The following TRIM33 variants were observed in gnomAD, a reference collection of about 807,000 sequenced individuals.
TRIM33 encodes the protein tripartite motif containing 33, also known as E3 ubiquitin-protein ligase TRIM33.
Under a neutral mutation model 125.4 loss-of-function variants are expected in TRIM33, and 20 were observed. That is an observed-to-expected ratio of 0.16 (90% confidence interval 0.11 to 0.23). The LOEUF (loss-of-function observed/expected upper bound fraction) is 0.23, where lower values mean the gene tolerates loss of function less well. Ranked by LOEUF, TRIM33 falls within the 10% of genes least tolerant of loss-of-function variation. The pLI is 1.00. For synonymous variants in TRIM33, 564 were observed against 513.9 expected, an observed-to-expected ratio of 1.10 and a Z score of -1.32; for missense variants, 920 against 1,411.4, an observed-to-expected ratio of 0.65 and a Z score of 5.58.
At position 114,397,587 on chromosome 1, in the gene TRIM33, G is replaced by GTGTTTTTTTTTTTTTTTTTTT; in HGVS notation, c.*60_*61insAAAAAAAAAAAAAAAAAAACA. 1.1e-6 allele frequency: 1 copy of GTGTTTTTTTTTTTTTTTTTTT among 951,936 alleles called. No homozygotes were observed. The highest frequency in any genetic ancestry group is 1.4e-6 in the Non-Finnish European group (1 of 697,842). 59.0% of individuals were successfully genotyped at this position (951,936 alleles called of 1,614,324 possible). On this transcript the variant is annotated 3_prime_UTR_variant, in exon 20 of 20. Transcript: ENST00000358465. ...CACTTAAAAGTTTTCTGGGTTTTTT[G>GTGTTTTTTTTTTTTTTTTTTT]TGTTTTTTTTTTTTTTTTCGTTTTT... is the stretch of plus-strand genomic sequence containing the variant.
chr1:114,423,341 C>G (rs575602882), intron 10 of TRIM33, among the ~76,000 whole-genome samples: 69 of 152,086 alleles, frequency 4.5e-4, no homozygotes, highest in Non-Finnish European at 9.3e-4. Context: ...AGATAAAACT[C>G]TGTTGAAGAA....
rs146986808 is a variant in TRIM33 at position 114,455,153 on chromosome 1, C to G, written c.923+7951G>C. ...AAGGCTATACATGATCCAGACACAC[C>G]AGCAGGTTATTCCCAAGGGGACAGC... On this transcript the variant is annotated intron_variant, in intron 4 of 19. Coordinates refer to ENST00000358465, the MANE Select transcript of TRIM33 (RefSeq NM_015906.4). 1.3e-4 allele frequency among the ~76,000 whole-genome samples: 20 copies of G among 152,200 alleles called. No homozygotes were observed. The East Asian group carries it at 3.5e-3, about 26-fold the overall frequency.
intron 4 of TRIM33, among the ~76,000 whole-genome samples, chr1:114,434,252 T>C (rs996041761): frequency 2.0e-5 from 3 of 152,218 alleles, no homozygotes; most frequent in African/African-American, 7.2e-5. Context: ...GCAATCCTCC[T>C]GCCTTGGCCT....
intron 4 of TRIM33, among the ~76,000 whole-genome samples, chr1:114,438,612 T>TA (rs752823480): frequency 2.0e-5 from 3 of 152,236 alleles, no homozygotes; most frequent in Non-Finnish European, 4.4e-5. Flanking sequence ...TAGAAAAACT[T>TA]AATGACTTAG....
chr1:114,408,795 C>T, intron 12 of TRIM33, 55 bp from the exon 13 acceptor site: 4 of 1,199,344 alleles, frequency 3.3e-6, no homozygotes, highest in Non-Finnish European at 4.8e-6. Context: ...ATTTGGAATT[C>T]TACCTACCGG....
Position 114,511,098 on chromosome 1 carries a change from G to C in TRIM33, c.-22C>G, listed in dbSNP as rs1570701140. The C allele has an allele frequency of 1.7e-6, 2 of 1,173,560 alleles. No individual in the cohort carries two copies. The highest frequency in any genetic ancestry group is 1.0e-6 in the Non-Finnish European group (1 of 953,936). The allele number at this position is 1,173,560 out of a possible 1,614,324, so 72.7% of individuals were successfully genotyped here. A position where few individuals can be genotyped will look rare whatever the true frequency, so the allele number is the denominator to read the frequency against. On this transcript the variant is annotated 5_prime_UTR_variant, in exon 1 of 20. Coordinates refer to ENST00000358465, the MANE Select transcript of TRIM33 (RefSeq NM_015906.4). The stretch of plus-strand genomic sequence containing the variant: ...CCATGTTTTCCTCTTTGAACCCGCC[G>C]GACCGCCCCGCGCCGCCCGCCGCCC...
At chr1:114,401,564 A>C in intron 16 of TRIM33, 101 bp from the exon 17 acceptor site, 1 of 879,764 alleles carries the variant, frequency 1.1e-6, no homozygotes, top group Non-Finnish European at 1.7e-6. Flanking sequence ...ATTACAACAA[A>C]CTGAACACAA....
chr1:114,419,560 A>T (rs565954439), intron 11 of TRIM33, among the ~76,000 whole-genome samples: 5 of 152,328 alleles, frequency 3.3e-5, no homozygotes, highest in African/African-American at 7.2e-5. Context: ...ATTTATATTT[A>T]AAAAGTTTCC....
At chr1:114,486,959 C>T (rs762468097) in intron 1 of TRIM33, among the ~76,000 whole-genome samples, 3 of 151,644 alleles carry the variant, frequency 2.0e-5, no homozygotes, top group Admixed American at 6.6e-5. Context: ...TGGTGGCGTA[C>T]GCTTGTAGTA....
chr1:114,510,864 G>A lies in TRIM33; in HGVS notation c.213C>T (p.Ser71=). ...ATGAAGCAGCCTGGGCCGAGCCCGA[G>A]GAGGCCGCGGCCACCCCCCCGTCGT... ...GPDDGGVAAA[S]SGSAQAASSP... The change falls in exon 1 of 20, where the codon TCC becomes TCT. Residue 71 remains serine, a synonymous_variant. Coordinates refer to ENST00000358465, the MANE Select transcript of TRIM33 (RefSeq NM_015906.4). 6.8e-7 allele frequency: 1 copy of A among 1,469,092 alleles called. No individual in the cohort carries two copies. Among genetic ancestry groups the A allele is most frequent in the South Asian group, 1.3e-5 (1 of 76,728 alleles). The allele number at this position is 1,469,092 out of a possible 1,614,324, so 91.0% of individuals were successfully genotyped here. A position where few individuals can be genotyped will look rare whatever the true frequency, so the allele number is the denominator to read the frequency against.
intron 12 of TRIM33, among the ~76,000 whole-genome samples, chr1:114,409,043 C>T (rs1652419533): frequency 6.6e-6 from 1 of 152,108 alleles, no homozygotes; most frequent in Non-Finnish European, 1.5e-5. Context: ...TACTTAGGTT[C>T]CCATTAATTA....
intron 4 of TRIM33, among the ~76,000 whole-genome samples, chr1:114,442,734 A>G (rs1033875204): frequency 3.3e-4 from 50 of 151,636 alleles, no homozygotes; most frequent in African/African-American, 1.2e-3. Flanking sequence ...AACTCTTAGA[A>G]GAATTTACGG....
chr1:114,491,017 G>T (rs575882327), intron 1 of TRIM33, among the ~76,000 whole-genome samples: 1 of 152,172 alleles, frequency 6.6e-6, no homozygotes, highest in African/African-American at 2.4e-5. Context: ...TGGTTTGGGG[G>T]TAAGTGAGTA....
At chr1:114,410,778 C>CA (rs11364870) in intron 11 of TRIM33, among the ~76,000 whole-genome samples, 49 of 148,728 alleles carry the variant, frequency 3.3e-4, no homozygotes, top group Admixed American at 1.1e-3. Flanking sequence ...CCCCTTACTA[C>CA]AAAAAAAAAA....
chr1:114,460,646 G>GGGTAACCTGA (rs1649921587), intron 4 of TRIM33, among the ~76,000 whole-genome samples: 1 of 143,712 alleles, frequency 7.0e-6, no homozygotes, highest in Admixed American at 7.3e-5. Flanking sequence ...TTACAACAAA[G>GGGTAACCTGA]GGTAACCTGA....
intron 1 of TRIM33, among the ~76,000 whole-genome samples, chr1:114,495,847 AC>A (rs1173113628): frequency 2.0e-5 from 3 of 152,216 alleles, no homozygotes; most frequent in Non-Finnish European, 4.4e-5. Context: ...ATTCTTTTGA[AC>A]CATATTTCAA....
rs1651388651 is a variant in TRIM33, at chr1:114,393,502, T to A, written c.*4146A>T. ...TTTCTAGAAAAGGGCTAAACTTAAC[T>A]TTGTACACTTTGTAGTTTGATATGA... On this transcript the variant is annotated 3_prime_UTR_variant, in exon 20 of 20. Coordinates refer to ENST00000358465, the MANE Select transcript of TRIM33 (RefSeq NM_015906.4). The A allele has an allele frequency of 1.0e-5, 2 of 200,094 alleles. No homozygotes were observed. The highest frequency in any genetic ancestry group is 1.9e-4 in the South Asian group (1 of 5,254). The allele number at this position is 200,094 out of a possible 1,614,324, so 12.4% of individuals were successfully genotyped here.
chr1:114,427,182 T>C lies in TRIM33; in HGVS notation c.1415A>G (p.Asn472Ser). ...DPTFWAKNVVNLGNLVIESKP... is the reference protein window; with the variant it reads ...DPTFWAKNVVSLGNLVIESKP... Reference sequence around the variant, plus strand: ...TAAAACTCATTATTTCTCACCTAAATTGACTACATTCTTTGCCCAGAAGGT... The same window carrying C: ...TAAAACTCATTATTTCTCACCTAAACTGACTACATTCTTTGCCCAGAAGGT... Residue 472 changes from asparagine to serine, a missense_variant, in exon 8 of 20, where the codon AAT becomes AGT. By Grantham distance (46) the Asn-to-Ser change is conservative. This residue lies in a region of TRIM33 where 407 missense variants were observed against 589.7 expected (regional missense o/e 0.69). Coordinates refer to ENST00000358465, the MANE Select transcript of TRIM33 (RefSeq NM_015906.4). 1 of 1,520,234 alleles carries C rather than the reference T, an allele frequency of 6.6e-7. No homozygotes were observed. Among genetic ancestry groups the C allele is most frequent in the Non-Finnish European group, 9.1e-7 (1 of 1,101,598 alleles). The allele number at this position is 1,520,234 out of a possible 1,614,324, so 94.2% of individuals were successfully genotyped here.
At chr1:114,422,852 A>T (rs1282394156) in intron 10 of TRIM33, among the ~76,000 whole-genome samples, 1 of 152,182 alleles carries the variant, frequency 6.6e-6, no homozygotes, top group African/African-American at 2.4e-5. Context: ...AAAAATTCAA[A>T]GAATTGAGGG....
Sources: allele counts gnomAD v4.1 joint callset (sites outside exome capture counted in the v4.1 genomes callset), GRCh38; gene constraint gnomAD v4.1.1; regional missense constraint gnomAD v4.1.1; transcripts MANE v1.5; gene names NCBI Gene and HGNC (gene_info 2026-07-23, HGNC 2026-07-21).